Variants in C12orf42 observed in about 807,000 individuals in gnomAD.
C12orf42 encodes chromosome 12 open reading frame 42.
A neutral mutation model predicts 21.6 loss-of-function variants in C12orf42; 25 were observed. The ratio of observed to expected loss-of-function variants is 1.16; its 90% CI spans 0.84 to 1.62. The LOEUF is 1.62. C12orf42 is among the 40% of genes most tolerant of loss of function. The probability of loss-of-function intolerance (pLI) is 0.00; values close to 1 mark genes in which losing one functional copy is unlikely to be tolerated. For missense variants in C12orf42, 483 were observed against 459.3 expected, an observed-to-expected ratio of 1.05 and a Z score of -0.47; for synonymous variants, 174 against 175.0, an observed-to-expected ratio of 0.99 and a Z score of 0.05.
the C12orf42 span, among the ~76,000 whole-genome samples, chr12:103,507,140 TATA>T: frequency 1.5e-4 from 3 of 19,488 alleles, 1 homozygote; most frequent in Non-Finnish European, 6.9e-5. Flanking sequence ...ATATATTATA[TATA>T]TAATATAAAT....
In C12orf42 at chr12:103,368,900, A is replaced by G; in HGVS notation, c.246T>C (p.Phe82=). Residue 82 remains phenylalanine, a synonymous_variant, in exon 4 of 6, where the codon TTT becomes TTC. Coordinates refer to ENST00000548883, the MANE Select transcript of C12orf42 (RefSeq NM_198521.5). The part of the protein sequence containing the change: ...SESPKFRSLH[F]LNFPVFPERT... ...GTCTTAATTTACCTGGAAAATTCAG[A>G]AAGTGTAGACTACGAAATTTAGGAG... 1.3e-6 allele frequency: 2 copies of G among 1,560,078 alleles called. No individual in the cohort carries two copies. The highest frequency in any genetic ancestry group is 1.2e-5 in the South Asian group (1 of 86,226).
At chr12:103,075,123 A>G in the C12orf42 span, among the ~76,000 whole-genome samples, 2 of 152,242 alleles carry the variant, frequency 1.3e-5, no homozygotes, top group East Asian at 3.9e-4. Flanking sequence ...CACAGAAAAG[A>G]AAAGGATCTG....
chr12:103,476,198 T>C (rs930742065), intron 2 of C12orf42, among the ~76,000 whole-genome samples: 1 of 152,222 alleles, frequency 6.6e-6, no homozygotes, highest in Non-Finnish European at 1.5e-5. Flanking sequence ...CACCATTCAC[T>C]AGCTATTTAC....
intron 2 of C12orf42, among the ~76,000 whole-genome samples, chr12:103,418,832 A>AT (rs71438496): frequency 0.019 from 2,663 of 143,638 alleles, 46 homozygotes; most frequent in African/African-American, 0.04. Flanking sequence ...ATTCCGTTAA[A>AT]TTTTTTTTTT....
At chr12:103,472,534 C>G (rs374052753) in intron 2 of C12orf42, among the ~76,000 whole-genome samples, 1 of 152,216 alleles carries the variant, frequency 6.6e-6, no homozygotes. Context: ...TCACCAGGCT[C>G]ACAGCTCAGG....
the C12orf42 span, among the ~76,000 whole-genome samples, chr12:103,552,321 G>A: frequency 6.6e-6 from 1 of 152,268 alleles, no homozygotes; most frequent in East Asian, 1.9e-4. Flanking sequence ...TAGTCAGAGA[G>A]CATTGAAACT....
At chr12:103,220,309 T>C in the C12orf42 span, among the ~76,000 whole-genome samples, 1 of 152,066 alleles carries the variant, frequency 6.6e-6, no homozygotes, top group Non-Finnish European at 1.5e-5. Context: ...GACGGGTTGA[T>C]GGGTGCAGCA....
At chr12:103,457,245 A>G (rs1033215161) in intron 2 of C12orf42, among the ~76,000 whole-genome samples, 6 of 152,228 alleles carry the variant, frequency 3.9e-5, no homozygotes, top group African/African-American at 1.4e-4. Flanking sequence ...TGTCATTTGA[A>G]CTAAACATGA....
chr12:103,080,679 TCTC>T, the C12orf42 span, among the ~76,000 whole-genome samples: 6 of 152,320 alleles, frequency 3.9e-5, no homozygotes, highest in South Asian at 2.1e-4. Context: ...AGTGCATCAT[TCTC>T]CTCCTGTCAC....
At chr12:103,181,374 A>T in the C12orf42 span, among the ~76,000 whole-genome samples, 28 of 152,370 alleles carry the variant, frequency 1.8e-4, no homozygotes, top group African/African-American at 6.5e-4. Context: ...TTTTCAAGAG[A>T]AGAAGCATTG....
intron 2 of C12orf42, among the ~76,000 whole-genome samples, chr12:103,418,557 A>C (rs10860998): frequency 0.19 from 28,478 of 151,912 alleles, 3,226 homozygotes; most frequent in African/African-American, 0.32. Flanking sequence ...TAAACACAAT[A>C]CTTTTTGGTG....
intron 10 of C12orf42, among the ~76,000 whole-genome samples, chr12:103,253,268 A>C (rs2034395808): frequency 6.6e-6 from 1 of 152,180 alleles, no homozygotes; most frequent in Non-Finnish European, 1.5e-5. Flanking sequence ...CTTTTTGCTT[A>C]GGATTGTCCT....
chr12:103,054,330 T>A, the C12orf42 span, among the ~76,000 whole-genome samples: 1 of 151,920 alleles, frequency 6.6e-6, no homozygotes, highest in African/African-American at 2.4e-5. Context: ...AGTATTTCAA[T>A]ATTTTGAGTG....
chr12:103,235,577 A>C (rs2033442081), downstream of C12orf42, among the ~76,000 whole-genome samples: 1 of 152,160 alleles, frequency 6.6e-6, no homozygotes, highest in Non-Finnish European at 1.5e-5. Flanking sequence ...CCATCTGTAT[A>C]ACTTCCTCAT....
chr12:103,285,641 T>A (rs766721337), intron 4 of C12orf42, among the ~76,000 whole-genome samples: 2 of 152,190 alleles, frequency 1.3e-5, no homozygotes, highest in African/African-American at 2.4e-5. Context: ...TTCTAACACA[T>A]CACTGGGAAG....
chr12:103,102,634 T>A, the C12orf42 span, among the ~76,000 whole-genome samples: 1 of 152,268 alleles, frequency 6.6e-6, no homozygotes, highest in East Asian at 1.9e-4. Context: ...AACAGAACAA[T>A]GACAACAACA....
At chr12:103,176,466 C>T in the C12orf42 span, among the ~76,000 whole-genome samples, 2 of 152,144 alleles carry the variant, frequency 1.3e-5, no homozygotes, top group East Asian at 1.9e-4. Flanking sequence ...AAGGGTTTAT[C>T]GGAGTTCCTG....
chr12:103,093,833 G>T, the C12orf42 span, among the ~76,000 whole-genome samples: 1 of 152,208 alleles, frequency 6.6e-6, no homozygotes, highest in South Asian at 2.1e-4. Context: ...GCCAGCAGAA[G>T]TGACTCAAGA....
At chr12:103,069,114 T>G in the C12orf42 span, among the ~76,000 whole-genome samples, 1 of 150,942 alleles carries the variant, frequency 6.6e-6, no homozygotes, top group South Asian at 2.1e-4. Context: ...TAATTTCTAT[T>G]TTACTAATCC....
Sources: gnomAD v4.1 joint callset for allele counts (sites outside exome capture counted in the v4.1 genomes callset) on GRCh38, gnomAD v4.1.1 for gene constraint, MANE v1.5 for transcripts, NCBI Gene and HGNC (gene_info 2026-07-23, HGNC 2026-07-21) for gene names.